Variants in CD99L2 observed in about 807,000 individuals in gnomAD.
The protein encoded by CD99L2 is CD99 molecule like 2, also known as CD99 antigen-like protein 2.
A neutral mutation model predicts 27.3 loss-of-function variants in CD99L2; 24 were observed. The ratio of observed to expected loss-of-function variants is 0.88; its 90% CI spans 0.64 to 1.24. The LOEUF is 1.24. Among genes scored for constraint, CD99L2 ranks in the 50% most tolerant of loss-of-function variants. CD99L2 has a pLI of 0.00. For synonymous variants in CD99L2, 97 were observed against 87.9 expected, an observed-to-expected ratio of 1.10 and a Z score of -0.58; for missense variants, 255 against 221.6, an observed-to-expected ratio of 1.15 and a Z score of -0.96.
At chrX:150,771,854 G>A (rs1569565850) in intron 9 of CD99L2, 1 of 1,153,124 alleles carries the variant, frequency 8.7e-7, no homozygotes, top group Non-Finnish European at 1.1e-6. Flanking sequence ...TAGAATCCCT[G>A]GAGTAAGAGC....
At chrX:150,817,682 A>G in intron 2 of CD99L2, among the ~76,000 whole-genome samples, 1 of 112,025 alleles carries the variant, frequency 8.9e-6, no homozygotes, top group Non-Finnish European at 1.9e-5. Context: ...CAGAAAACAA[A>G]CAGCAAAAAT....
At chrX:150,778,272 C>T (rs1207559807) in intron 7 of CD99L2, among the ~76,000 whole-genome samples, 1 of 110,593 alleles carries the variant, frequency 9.0e-6, no homozygotes, top group East Asian at 2.8e-4. Flanking sequence ...TTGAGTTCAC[C>T]GTTCATGCCA....
chrX:150,822,730 CATA>C (rs2046260033), intron 2 of CD99L2, among the ~76,000 whole-genome samples: 1 of 112,042 alleles, frequency 8.9e-6, no homozygotes, highest in Admixed American at 9.4e-5. Context: ...ATATGTGTCT[CATA>C]ATATCATGTT....
At chrX:150,877,959 TACACACACACACACAC>T (rs72172934) in intron 1 of CD99L2, among the ~76,000 whole-genome samples, 6 of 83,069 alleles carry the variant, frequency 7.2e-5, no homozygotes, top group East Asian at 4.2e-4. Context: ...CTCAAACACA[TACACACACACACACAC>T]ACACACACAC....
At chrX:150,821,168 C>T (rs782152297) in intron 2 of CD99L2, among the ~76,000 whole-genome samples, 2 of 111,761 alleles carry the variant, frequency 1.8e-5, no homozygotes, top group African/African-American at 6.5e-5. Context: ...ACAAGCTAAT[C>T]CTAATATCCA....
At chrX:150,795,161 G>T (rs2045773638) in intron 6 of CD99L2, 45 bp downstream of exon 6, 1 of 1,186,536 alleles carries the variant, frequency 8.4e-7, no homozygotes, top group Non-Finnish European at 1.1e-6. Context: ...TGGCTCTGTG[G>T]GATGATGTAA....
chrX:150,829,813 C>A (rs2046414269), intron 2 of CD99L2, among the ~76,000 whole-genome samples: 1 of 111,427 alleles, frequency 9.0e-6, no homozygotes, highest in African/African-American at 3.3e-5. Context: ...GGAGAAGGGT[C>A]AAGGGAAACC....
chrX:150,857,586 G>A (rs1388302476), intron 1 of CD99L2, among the ~76,000 whole-genome samples: 2 of 111,818 alleles, frequency 1.8e-5, no homozygotes, highest in African/African-American at 6.5e-5. Flanking sequence ...ACACGAGACT[G>A]GTCTAATAAG....
In CD99L2 at chrX:150,787,207, C is replaced by T. The variant is rs143674325; in HGVS notation, c.496+6484G>A. ...GATAGTTTCTTTTGCTGTGCAGAAG[C>T]TCTTTAGTTTGATGAGGTCCCATGT... On this transcript the variant is annotated intron_variant, in intron 7 of 10. Transcript: ENST00000370377. Among the ~76,000 whole-genome samples the T allele has an allele frequency of 5.0e-3, 560 of 111,995 alleles. 7 individuals are homozygous for T. Among genetic ancestry groups the T allele is most frequent in the Middle Eastern group, 0.014 (3 of 217 alleles).
intron 1 of CD99L2, among the ~76,000 whole-genome samples, chrX:150,890,421 G>A (rs1366705930): frequency 8.9e-6 from 1 of 112,049 alleles, no homozygotes; most frequent in Non-Finnish European, 1.9e-5. Flanking sequence ...GGAGGTTGCA[G>A]TGAGTCGAGA....
intron 4 of CD99L2, among the ~76,000 whole-genome samples, chrX:150,814,015 T>C (rs2046113573): frequency 1.8e-5 from 2 of 112,165 alleles, no homozygotes; most frequent in South Asian, 3.7e-4. Flanking sequence ...CCAATGCATA[T>C]TTTTTTCAAA....
intron 1 of CD99L2, among the ~76,000 whole-genome samples, chrX:150,872,091 C>A (rs782157655): frequency 5.4e-5 from 6 of 110,374 alleles, no homozygotes; most frequent in Non-Finnish European, 1.1e-4. Flanking sequence ...ATCAGCCAGT[C>A]ATGGTGGTAC....
At chrX:150,775,519 A>G (rs1557419225) in intron 9 of CD99L2, among the ~76,000 whole-genome samples, 2 of 112,758 alleles carry the variant, frequency 1.8e-5, no homozygotes, top group African/African-American at 6.4e-5. Context: ...TCACAGCTAC[A>G]GCATGAGATG....
At chrX:150,887,465 T>C (rs1312814227) in intron 1 of CD99L2, among the ~76,000 whole-genome samples, 6 of 105,843 alleles carry the variant, frequency 5.7e-5, no homozygotes, top group Non-Finnish European at 9.7e-5. Flanking sequence ...AATAAATAAA[T>C]AAATAAATAA....
intron 1 of CD99L2, among the ~76,000 whole-genome samples, chrX:150,897,206 CT>C (rs1323997950): frequency 8.9e-6 from 1 of 112,495 alleles, no homozygotes; most frequent in Admixed American, 9.4e-5. Flanking sequence ...CTCTTTACCC[CT>C]GTAACTTCCT....
intron 1 of CD99L2, among the ~76,000 whole-genome samples, chrX:150,840,255 AAAAG>A (rs1557421328): frequency 3.6e-5 from 4 of 111,229 alleles, no homozygotes; most frequent in Non-Finnish European, 3.8e-5. Context: ...AAAAAAAGAA[AAAAG>A]AAAGAAAAAA....
chrX:150,841,735 T>C (rs781904026), intron 1 of CD99L2, among the ~76,000 whole-genome samples: 46 of 111,741 alleles, frequency 4.1e-4, no homozygotes, highest in African/African-American at 1.2e-3. Flanking sequence ...CCATCCCTTG[T>C]TGACCTTGGA....
At chrX:150,842,836 T>A (rs1028708231) in intron 1 of CD99L2, among the ~76,000 whole-genome samples, 1 of 112,314 alleles carries the variant, frequency 8.9e-6, no homozygotes, top group Non-Finnish European at 1.9e-5. Context: ...AACATTTCCA[T>A]CATCACAGAA....
In CD99L2 at chrX:150,769,721, T is replaced by TGA. The variant is rs1557418935; in HGVS notation, c.721+582_721+583insTC. Among the ~76,000 whole-genome samples the TGA allele has an allele frequency of 3.1e-4, 33 of 106,437 alleles. 1 individual carries two copies. In the East Asian group the frequency reaches 0.011, roughly 35 times the overall value. 92.4% of individuals were successfully genotyped at this position (106,437 alleles called of 115,157 possible). ...CTGCTCCCCGACCCCAGCAAGCCTT[T>TGA]CCGGACCTCCTCATTGGCATCCCGT... is the stretch of plus-strand genomic sequence containing the variant. On this transcript the variant is annotated intron_variant, in intron 10 of 10. Transcript: ENST00000370377.
Sources: gnomAD v4.1 joint callset for allele counts (sites outside exome capture counted in the v4.1 genomes callset) on GRCh38, gnomAD v4.1.1 for gene constraint, MANE v1.5 for transcripts, NCBI Gene and HGNC (gene_info 2026-07-23, HGNC 2026-07-21) for gene names.